The following TYW1B variants were observed in gnomAD, a reference collection of about 807,000 sequenced individuals.
TYW1B encodes the protein S-adenosyl-L-methionine-dependent tRNA 4-demethylwyosine synthase TYW1B.
In TYW1B, 73 loss-of-function variants were observed where a neutral mutation model predicts 86.9. The observed-to-expected ratio is 0.84, with a 90% confidence interval of 0.70 to 1.02. TYW1B has a LOEUF of 1.02. Ranked by LOEUF, TYW1B falls within the 50% of genes least tolerant of loss-of-function variation. The pLI, the probability that TYW1B is intolerant of heterozygous loss-of-function variation, is 0.00. For synonymous variants in TYW1B, 248 were observed against 292.8 expected, an observed-to-expected ratio of 0.85 and a Z score of 1.56; for missense variants, 637 against 827.4, an observed-to-expected ratio of 0.77 and a Z score of 2.82.
chr7:72,634,342 C>G (rs1415294212), intron 11 of TYW1B, among the ~76,000 whole-genome samples: 1 of 132,676 alleles, frequency 7.5e-6, no homozygotes, highest in Non-Finnish European at 1.6e-5. Context: ...CCACTCCTAG[C>G]TTTTTTTTTT....
rs782063418 is a variant in TYW1B at position 72,616,788 on chromosome 7, C to T, written c.1669G>A (p.Val557Met). 4.3e-6 allele frequency: 7 copies of T among 1,614,222 alleles called. No homozygotes were observed. The highest frequency in any genetic ancestry group is 1.3e-5 in the African/African-American group (1 of 75,058). Reference sequence around the variant, plus strand: ...TGTACCACTTCCTCATGCCAGGGCACATGGGCCATGGTAAGACTGCTTGCT... The same window carrying T: ...TGTACCACTTCCTCATGCCAGGGCATATGGGCCATGGTAAGACTGCTTGCT... ...SSASSLTMAH[V>M]PWHEEVVQFV... Residue 557 changes from valine to methionine, a missense_variant, in exon 13 of 14, where the codon GTG becomes ATG. Transcript: ENST00000620995.
At chr7:72,705,119 A>G (rs1474741699) in intron 10 of TYW1B, among the ~76,000 whole-genome samples, 1 of 152,228 alleles carries the variant, frequency 6.6e-6, no homozygotes, top group East Asian at 1.9e-4. Context: ...AGAAACTTCT[A>G]TTGAAAGAAT....
intron 9 of TYW1B, among the ~76,000 whole-genome samples, chr7:72,727,811 CAAAAAAAA>C (rs10714290): frequency 2.9e-4 from 31 of 107,662 alleles, no homozygotes; most frequent in Middle Eastern, 5.2e-3. Flanking sequence ...AGATCCGGTC[CAAAAAAAA>C]AAAAAAAAAA....
chr7:72,768,240 C>CA lies in TYW1B; in HGVS notation c.964+9175dup, dbSNP rs34109354. ...TGGATGACAGGGCAAGACCCTACCT[C>CA]AAAAAAAAAAAAAATTTTAAAAAAT... On this transcript the variant is annotated intron_variant, in intron 7 of 13. Transcript: ENST00000620995. 5.1e-3 allele frequency among the ~76,000 whole-genome samples: 727 copies of CA among 141,754 alleles called. 3 individuals carry two copies. Among genetic ancestry groups the CA allele is most frequent in the African/African-American group, 0.015 (591 of 38,890 alleles). 93.0% of individuals were successfully genotyped at this position (141,754 alleles called of 152,430 possible). A position where few individuals can be genotyped will look rare whatever the true frequency, so the allele number is the denominator to read the frequency against.
chr7:72,713,802 G>A lies in TYW1B; in HGVS notation c.1193-4C>T. ...TCTGCTTTGACGCCCGGTACTCCTG[G>A]AGAATACAGTGAGAAGGACCCAGCT... is the stretch of plus-strand genomic sequence containing the variant. On this transcript the variant is annotated splice_polypyrimidine_tract_variant and splice_region_variant and intron_variant, in intron 9 of 13. Coordinates refer to ENST00000620995, the MANE Select transcript of TYW1B (RefSeq NM_001145440.3). 3 of 1,565,480 alleles carry A rather than the reference G, an allele frequency of 1.9e-6. No homozygotes were observed. The highest frequency in any genetic ancestry group is 2.4e-5 in the South Asian group (2 of 84,996).
intron 6 of TYW1B, among the ~76,000 whole-genome samples, chr7:72,788,635 C>T (rs1178219527): frequency 1.3e-5 from 2 of 151,926 alleles, no homozygotes; most frequent in Non-Finnish European, 1.5e-5. Context: ...GGGGTTCAAG[C>T]GATTCTCCTG....
At chr7:72,739,291 A>G (rs1272409785) in intron 8 of TYW1B, among the ~76,000 whole-genome samples, 2 of 152,044 alleles carry the variant, frequency 1.3e-5, no homozygotes, top group Admixed American at 1.3e-4. Flanking sequence ...AAAAAACTCT[A>G]TAATAAGAAT....
chr7:72,630,505 G>GA (rs111462590), intron 11 of TYW1B, among the ~76,000 whole-genome samples: 122 of 133,118 alleles, frequency 9.2e-4, no homozygotes, highest in East Asian at 1.7e-3. Flanking sequence ...AAATACTCAA[G>GA]AAAAAAAAAA....
chr7:72,724,759 A>G (rs35351840), intron 9 of TYW1B, among the ~76,000 whole-genome samples: 2 of 152,242 alleles, frequency 1.3e-5, no homozygotes, highest in Non-Finnish European at 2.9e-5. Context: ...AAAAAAATCC[A>G]TTGTAGGAAT....
rs146829534 is a variant in TYW1B at position 72,590,641 on chromosome 7, T to C, written c.1786-14922A>G. Among the ~76,000 whole-genome samples the C allele has an allele frequency of 1.1e-4, 17 of 152,334 alleles. No homozygotes were observed. The East Asian group carries it at 3.3e-3, about 29-fold the overall frequency. ...CTAAGTTCATACCTCGGGCTGATCC[T>C]TGGCACAGAGACAGCCTTCAATAAT... is the stretch of plus-strand genomic sequence containing the variant. On this transcript the variant is annotated intron_variant, in intron 13 of 13. Transcript: ENST00000620995.
chr7:72,767,604 C>T (rs1251731463), intron 7 of TYW1B, among the ~76,000 whole-genome samples: 5 of 150,956 alleles, frequency 3.3e-5, no homozygotes, highest in South Asian at 2.1e-4. Context: ...AGCAAGACCC[C>T]GTCTCAAAAA....
At chr7:72,695,641 G>A (rs1814298456) in intron 10 of TYW1B, among the ~76,000 whole-genome samples, 2 of 151,866 alleles carry the variant, frequency 1.3e-5, no homozygotes, top group Non-Finnish European at 2.9e-5. Flanking sequence ...CATCCAGGCT[G>A]GAGTGCAGTG....
chr7:72,722,035 G>T (rs1563072035), intron 9 of TYW1B, among the ~76,000 whole-genome samples: 1 of 152,134 alleles, frequency 6.6e-6, no homozygotes. Context: ...TCATAACAAT[G>T]CAGTTCCGGG....
intron 7 of TYW1B, among the ~76,000 whole-genome samples, chr7:72,757,370 G>A (rs1237323282): frequency 6.3e-4 from 82 of 129,806 alleles, no homozygotes; most frequent in East Asian, 1.2e-3. Context: ...TCCGTCTATG[G>A]AAAAAAAAAA....
At chr7:72,616,917 C>T in intron 12 of TYW1B, 78 bp from the exon 13 acceptor site, 1 of 1,576,960 alleles carries the variant, frequency 6.3e-7, no homozygotes, top group Non-Finnish European at 8.6e-7. Flanking sequence ...GCCGGAAAGC[C>T]TTCTTGAGGT....
chr7:72,756,989 C>T (rs1453802370), intron 7 of TYW1B, among the ~76,000 whole-genome samples: 1 of 152,114 alleles, frequency 6.6e-6, no homozygotes, highest in Non-Finnish European at 1.5e-5. Context: ...ATAACAAATG[C>T]TGACAAGGCG....
intron 10 of TYW1B, among the ~76,000 whole-genome samples, chr7:72,700,601 T>G (rs1253068687): frequency 1.3e-5 from 2 of 152,206 alleles, no homozygotes; most frequent in Non-Finnish European, 2.9e-5. Context: ...TTTGTGAAGT[T>G]CTTGGTCAGT....
chr7:72,623,945 G>A (rs1812283572), intron 12 of TYW1B, among the ~76,000 whole-genome samples: 1 of 151,984 alleles, frequency 6.6e-6, no homozygotes, highest in South Asian at 2.1e-4. Context: ...GGGATTATAG[G>A]CACCTGCCAC....
rs1159796273 is a variant in TYW1B at position 72,798,001 on chromosome 7, T to TTATATA, written c.846+4393_846+4398dup. Reference sequence around the variant, plus strand: ...AGTGAACCCAGCTAGAAAATACTATTTATATATATACACACACACACACAC... The same window carrying TTATATA: ...AGTGAACCCAGCTAGAAAATACTATTTATATATATATATATACACACACACACACAC... On this transcript the variant is annotated intron_variant, in intron 6 of 13. Transcript: ENST00000620995. Among the ~76,000 whole-genome samples the TTATATA allele has an allele frequency of 1.5e-4, 12 of 79,338 alleles. No homozygotes were observed. The South Asian group carries it at 2.1e-3, about 14-fold the overall frequency. 52.0% of individuals were successfully genotyped at this position (79,338 alleles called of 152,430 possible).
Sources: allele counts gnomAD v4.1 joint callset (sites outside exome capture counted in the v4.1 genomes callset), GRCh38; gene constraint gnomAD v4.1.1; transcripts MANE v1.5; gene names NCBI Gene and HGNC (gene_info 2026-07-23, HGNC 2026-07-21).